SPOCK1: variants seen among roughly 807,000 people sequenced by gnomAD.
The protein encoded by SPOCK1 is testican-1.
Under a neutral mutation model 55.3 loss-of-function variants are expected in SPOCK1, and 23 were observed. That is an observed-to-expected ratio of 0.42 (90% CI 0.30 to 0.59). The LOEUF is 0.59. Ranked by LOEUF, SPOCK1 falls within the 20% of genes least tolerant of loss-of-function variation. The pLI is 0.22. For synonymous variants in SPOCK1, 226 were observed against 221.0 expected, an observed-to-expected ratio of 1.02 and a Z score of -0.20; for missense variants, 499 against 552.5, an observed-to-expected ratio of 0.90 and a Z score of 0.97.
chr5:137,087,288 G>A (rs1752976889), intron 5 of SPOCK1, among the ~76,000 whole-genome samples: 3 of 152,170 alleles, frequency 2.0e-5, no homozygotes, highest in Admixed American at 2.0e-4. Flanking sequence ...ACTGCTGGAG[G>A]AATAGGTCTG....
chr5:137,107,896 G>A (rs929640843), intron 5 of SPOCK1, among the ~76,000 whole-genome samples: 6 of 152,144 alleles, frequency 3.9e-5, no homozygotes, highest in African/African-American at 1.4e-4. Flanking sequence ...TATGTATTAT[G>A]GAGTGTGGGT....
At chr5:137,137,252 G>A (rs1354856623) in intron 4 of SPOCK1, among the ~76,000 whole-genome samples, 2 of 152,318 alleles carry the variant, frequency 1.3e-5, no homozygotes, top group Non-Finnish European at 2.9e-5. Flanking sequence ...AGCTGCTGCA[G>A]AGGCCAACTT....
intron 3 of SPOCK1, among the ~76,000 whole-genome samples, chr5:137,241,322 T>C (rs540266910): frequency 6.6e-6 from 1 of 152,230 alleles, no homozygotes; most frequent in South Asian, 2.1e-4. Context: ...AGGAAACTGA[T>C]TCAAACTATA....
chr5:137,347,324 G>C (rs532921784), intron 2 of SPOCK1, among the ~76,000 whole-genome samples: 12 of 152,126 alleles, frequency 7.9e-5, no homozygotes, highest in Non-Finnish European at 1.6e-4. Context: ...CCTCTAACAG[G>C]GTGTAATTTC....
At chr5:137,414,451 A>C (rs1464721336) in intron 2 of SPOCK1, among the ~76,000 whole-genome samples, 1 of 152,230 alleles carries the variant, frequency 6.6e-6, no homozygotes, top group Admixed American at 6.5e-5. Flanking sequence ...CAGTAGAATA[A>C]TAAAAATGTG....
chr5:137,467,274 A>C (rs533443941), intron 2 of SPOCK1, among the ~76,000 whole-genome samples: 4 of 152,358 alleles, frequency 2.6e-5, no homozygotes, highest in African/African-American at 9.6e-5. Context: ...GGTCCAGCCC[A>C]TACTCAAGGA....
chr5:137,014,259 G>T (rs1473871956), intron 6 of SPOCK1, among the ~76,000 whole-genome samples: 2 of 151,960 alleles, frequency 1.3e-5, no homozygotes, highest in African/African-American at 2.4e-5. Context: ...GCTTTCTGAG[G>T]TCTCCCCAGA....
chr5:137,403,747 G>A (rs1441904813), intron 2 of SPOCK1, among the ~76,000 whole-genome samples: 2 of 151,924 alleles, frequency 1.3e-5, no homozygotes, highest in Admixed American at 6.6e-5. Flanking sequence ...CAAGGGGGAC[G>A]GTATGGCTGG....
At chr5:137,189,911 C>T (rs183500833) in intron 3 of SPOCK1, among the ~76,000 whole-genome samples, 65 of 151,638 alleles carry the variant, frequency 4.3e-4, no homozygotes, top group South Asian at 6.3e-4. Context: ...TGCTCATGGG[C>T]GACTTTGAGG....
In SPOCK1 at chr5:137,090,374, C is replaced by T. The variant is rs370103257; in HGVS notation, c.474+22061G>A. Reference sequence around the variant, plus strand: ...TTGTTGTGTAAGACAGAATTTTACCCTGGGCTCTGCCTCTGGCCATATCCA... The same window carrying T: ...TTGTTGTGTAAGACAGAATTTTACCTTGGGCTCTGCCTCTGGCCATATCCA... On this transcript the variant is annotated intron_variant, in intron 5 of 10. Coordinates refer to ENST00000394945, the MANE Select transcript of SPOCK1 (RefSeq NM_004598.4). 3.3e-5 allele frequency among the ~76,000 whole-genome samples: 5 copies of T among 152,282 alleles called. No individual in the cohort carries two copies. In the East Asian group the frequency reaches 7.7e-4, roughly 24 times the overall value.
Position 137,239,476 on chromosome 5 carries a change from G to A in SPOCK1, c.232+27534C>T, listed in dbSNP as rs1056382308. 2.0e-5 allele frequency among the ~76,000 whole-genome samples: 3 copies of A among 152,128 alleles called. No individual in the cohort carries two copies. The East Asian group carries it at 5.8e-4, about 29-fold the overall frequency. The stretch of plus-strand genomic sequence containing the variant: ...TATTGAACATGAGACGGGAGGTGTG[G>A]GAACTCCTGAATGTATAGCCAGTCA... On this transcript the variant is annotated intron_variant, in intron 3 of 10. Transcript: ENST00000394945.
chr5:137,023,960 A>ATTTTTTTT (rs34202986), intron 6 of SPOCK1, among the ~76,000 whole-genome samples: 3 of 129,884 alleles, frequency 2.3e-5, no homozygotes, highest in Non-Finnish European at 3.2e-5. Flanking sequence ...TCAATATAGT[A>ATTTTTTTT]TTTTTTTTTT....
intron 3 of SPOCK1, among the ~76,000 whole-genome samples, chr5:137,154,719 C>T (rs927702909): frequency 6.6e-6 from 1 of 152,178 alleles, no homozygotes; most frequent in African/African-American, 2.4e-5. Context: ...TCATAATGCC[C>T]TCACAGACCC....
chr5:136,995,724 A>C (rs1218830364), intron 6 of SPOCK1, among the ~76,000 whole-genome samples: 1 of 152,200 alleles, frequency 6.6e-6, no homozygotes, highest in Non-Finnish European at 1.5e-5. Context: ...ATGTGCAGGT[A>C]ATCTGTATCT....
chr5:137,130,510 G>A (rs1753853884), intron 4 of SPOCK1, among the ~76,000 whole-genome samples: 1 of 152,216 alleles, frequency 6.6e-6, no homozygotes, highest in African/African-American at 2.4e-5. Flanking sequence ...AGCAACTACA[G>A]GAAGGACTCA....
Position 137,253,565 on chromosome 5 carries a change from T to C in SPOCK1, c.232+13445A>G, listed in dbSNP as rs145937492. ...TCAAGGTCAGAAACAATCTCAATAG[T>C]ATCTCTGTCCTCATCCAGTGTTCAA... is the stretch of plus-strand genomic sequence containing the variant. On this transcript the variant is annotated intron_variant, in intron 3 of 10. Coordinates refer to ENST00000394945, the MANE Select transcript of SPOCK1 (RefSeq NM_004598.4). Among the ~76,000 whole-genome samples, 290 of 152,286 alleles carry C rather than the reference T, an allele frequency of 1.9e-3. 3 individuals carry two copies. The highest frequency in any genetic ancestry group is 6.5e-3 in the African/African-American group (271 of 41,544).
At chr5:137,051,107 C>T (rs539819046) in intron 6 of SPOCK1, among the ~76,000 whole-genome samples, 72 of 152,230 alleles carry the variant, frequency 4.7e-4, no homozygotes, top group African/African-American at 1.5e-3. Context: ...TATGAAAAAG[C>T]GGATAACTTG....
chr5:137,102,473 A>G (rs531958247), intron 5 of SPOCK1, among the ~76,000 whole-genome samples: 1 of 152,304 alleles, frequency 6.6e-6, no homozygotes, highest in South Asian at 2.1e-4. Flanking sequence ...AGTGGTGGCA[A>G]CACTGAAGGT....
At chr5:137,490,862 C>T (rs749346892) in intron 2 of SPOCK1, among the ~76,000 whole-genome samples, 33 of 152,194 alleles carry the variant, frequency 2.2e-4, no homozygotes, top group Admixed American at 1.1e-3. Context: ...CCTCACACAG[C>T]CTTCCAGACT....
Sources: gnomAD v4.1 joint callset for allele counts (sites outside exome capture counted in the v4.1 genomes callset) on GRCh38, gnomAD v4.1.1 for gene constraint, MANE v1.5 for transcripts, NCBI Gene and HGNC (gene_info 2026-07-23, HGNC 2026-07-21) for gene names.